PXK: variants seen among roughly 807,000 people sequenced by gnomAD.
The protein encoded by PXK is PX domain-containing protein kinase-like protein.
In PXK, 35 loss-of-function variants were observed where a neutral mutation model predicts 84.7. The observed-to-expected ratio is 0.41, with a 90% confidence interval of 0.32 to 0.55. The LOEUF (loss-of-function observed/expected upper bound fraction) is 0.55, where lower values mean the gene tolerates loss of function less well. PXK is among the 20% of genes least tolerant of loss of function. The pLI is 0.21. For missense variants in PXK, 634 were observed against 699.7 expected, an observed-to-expected ratio of 0.91 and a Z score of 1.06; for synonymous variants, 253 against 260.8, an observed-to-expected ratio of 0.97 and a Z score of 0.29.
chr3:58,347,744 A>G (rs1199399116), intron 1 of PXK, among the ~76,000 whole-genome samples: 1 of 152,212 alleles, frequency 6.6e-6, no homozygotes, highest in Non-Finnish European at 1.5e-5. Flanking sequence ...ATGCCTAGGA[A>G]TGGAATTGCT....
At chr3:58,381,555 C>CAAAA (rs34125797) in intron 3 of PXK, among the ~76,000 whole-genome samples, 6 of 120,892 alleles carry the variant, frequency 5.0e-5, no homozygotes, top group African/African-American at 6.3e-5. Context: ...AATAGAAAAC[C>CAAAA]AAAAAAAAAA....
At position 58,397,142 on chromosome 3, in the gene PXK, C is replaced by T. The variant is rs866381486; in HGVS notation, c.926C>T (p.Ser309Phe). ...TGCCGGCTGCTGGACCTTGAGAATTCCTTATTGGGCCTGCCTTCCTTCTAC... is the reference window on the plus strand; with the variant it reads ...TGCCGGCTGCTGGACCTTGAGAATTTCTTATTGGGCCTGCCTTCCTTCTAC... ...DTCRLLDLEN[S>F]LLGLPSFYRS... The change falls in exon 10 of 18, where the codon TCC (serine) becomes TTC (phenylalanine). Residue 309 changes from serine to phenylalanine, a missense_variant. This residue lies in a region of PXK where 353 missense variants were observed against 385.2 expected (regional missense o/e 0.92). Coordinates refer to ENST00000356151, the MANE Select transcript of PXK (RefSeq NM_017771.5). The surrounding 1 kb of genome is among the most constrained non-coding windows in gnomAD (Gnocchi z 4.7). 8.7e-6 allele frequency: 14 copies of T among 1,614,010 alleles called. No individual in the cohort carries two copies. The highest frequency in any genetic ancestry group is 1.2e-5 in the Non-Finnish European group (14 of 1,180,008).
chr3:58,382,806 A>G (rs1401144339), intron 4 of PXK, 106 bp downstream of exon 4: 2 of 830,124 alleles, frequency 2.4e-6, no homozygotes, highest in Non-Finnish European at 3.5e-6. Flanking sequence ...GGGGATGTGT[A>G]TACATTTGTT....
At chr3:58,355,026 C>T (rs537244353) in intron 1 of PXK, among the ~76,000 whole-genome samples, 36 of 151,158 alleles carry the variant, frequency 2.4e-4, no homozygotes, top group Non-Finnish European at 4.4e-4. Context: ...GGCTGAGGTA[C>T]GAGAATCGCT....
intron 4 of PXK, among the ~76,000 whole-genome samples, chr3:58,389,206 C>G (rs2098598041): frequency 6.6e-6 from 1 of 152,046 alleles, no homozygotes; most frequent in African/African-American, 2.4e-5. Context: ...CGGAGACTTT[C>G]CACAATAGAA....
intron 1 of PXK, among the ~76,000 whole-genome samples, chr3:58,351,401 G>T (rs946447849): frequency 8.0e-6 from 1 of 124,866 alleles, no homozygotes. Flanking sequence ...CTATTTGTGT[G>T]TGTGTGTGTG....
chr3:58,423,704 C>T (rs1310309943), intron 17 of PXK, among the ~76,000 whole-genome samples: 13 of 152,152 alleles, frequency 8.5e-5, no homozygotes, highest in Non-Finnish European at 1.9e-4. Context: ...CTGGGAGGGA[C>T]AGAGACAGCA....
At chr3:58,378,135 A>C (rs750439572) in intron 3 of PXK, among the ~76,000 whole-genome samples, 7 of 152,146 alleles carry the variant, frequency 4.6e-5, no homozygotes, top group Non-Finnish European at 1.0e-4. Flanking sequence ...ACATGTACGT[A>C]CTATACGTGA....
rs369552858 is a variant in PXK at position 58,353,005 on chromosome 3, T to C, written c.103-12869T>C. On this transcript the variant is annotated intron_variant, in intron 1 of 17. Transcript: ENST00000356151. ...AGCACATGATTCTATGAATTAGATTTTTTTTTTTTGAGACAGAGTCTTGCT... is the reference window on the plus strand; with the variant it reads ...AGCACATGATTCTATGAATTAGATTCTTTTTTTTTGAGACAGAGTCTTGCT... Among the ~76,000 whole-genome samples the C allele has an allele frequency of 2.7e-4, 41 of 151,864 alleles. No individual in the cohort carries two copies. The South Asian group carries it at 3.5e-3, about 13-fold the overall frequency.
In PXK at chr3:58,397,105, G is replaced by A. The variant is rs201251103; in HGVS notation, c.889G>A (p.Asp297Asn). 6.8e-6 allele frequency: 11 copies of A among 1,614,020 alleles called. No individual in the cohort carries two copies. Among genetic ancestry groups the A allele is most frequent in the East Asian group, 2.2e-5 (1 of 44,894 alleles). Reference sequence around the variant, plus strand: ...TCTTCACGCCTCCAATGTGATGCTCGATGGGGACACTTGCCGGCTGCTGGA... The same window carrying A: ...TCTTCACGCCTCCAATGTGATGCTCAATGGGGACACTTGCCGGCTGCTGGA... ...GHLHASNVML[D>N]GDTCRLLDLE... Residue 297 changes from aspartate to asparagine, a missense_variant, in exon 10 of 18, where the codon GAT becomes AAT. Transcript: ENST00000356151. The surrounding 1 kb of genome is among the most constrained non-coding windows in gnomAD (Gnocchi z 4.7).
At chr3:58,361,286 ACT>A (rs2098181021) in intron 1 of PXK, among the ~76,000 whole-genome samples, 1 of 130,422 alleles carries the variant, frequency 7.7e-6, no homozygotes, top group South Asian at 2.7e-4. Context: ...ACAGAGCAAG[ACT>A]CTGTCTCAAA....
intron 1 of PXK, among the ~76,000 whole-genome samples, chr3:58,363,675 G>C (rs1259640837): frequency 6.6e-6 from 1 of 152,258 alleles, no homozygotes; most frequent in Non-Finnish European, 1.5e-5. Context: ...TTTCTACATA[G>C]ACTATCATGT....
intron 3 of PXK, among the ~76,000 whole-genome samples, chr3:58,371,783 A>G (rs963509895): frequency 6.6e-6 from 1 of 152,338 alleles, no homozygotes; most frequent in East Asian, 1.9e-4. Flanking sequence ...AAATATCCCC[A>G]TGTATTGATG....
chr3:58,410,844 C>T (rs1345958840), intron 16 of PXK, among the ~76,000 whole-genome samples: 2 of 152,314 alleles, frequency 1.3e-5, no homozygotes, highest in African/African-American at 4.8e-5. Context: ...TGACTTAGCC[C>T]TGAAGGGCCA....
rs569923309 is a variant in PXK, at chr3:58,399,161, T to C, written c.1103-138T>C. 48 of 720,948 alleles carry C rather than the reference T, an allele frequency of 6.7e-5. No homozygotes were observed. The African/African-American group carries it at 7.7e-4, about 11-fold the overall frequency. 44.7% of individuals were successfully genotyped at this position (720,948 alleles called of 1,614,324 possible). ...ATTCCCCCACCCCACGTATGCCATC[T>C]GTCTGTGTGTGAAGATTTTTGACAC... On this transcript the variant is annotated intron_variant, in intron 11 of 17. Coordinates refer to ENST00000356151, the MANE Select transcript of PXK (RefSeq NM_017771.5). The surrounding 1 kb of genome is among the most constrained non-coding windows in gnomAD (Gnocchi z 4.3).
intron 1 of PXK, among the ~76,000 whole-genome samples, chr3:58,338,690 CTTT>C (rs869295407): frequency 2.8e-5 from 4 of 140,450 alleles, no homozygotes; most frequent in Admixed American, 7.2e-5. Context: ...CTTCCTTTTT[CTTT>C]TTTTTTTTTT....
intron 1 of PXK, among the ~76,000 whole-genome samples, chr3:58,337,544 C>T (rs2097646101): frequency 6.6e-6 from 1 of 151,952 alleles, no homozygotes. Context: ...GACCACAGCT[C>T]ACGGCAACCT....
At chr3:58,395,587 G>A (rs1395847937) in intron 8 of PXK, 71 bp from the exon 9 acceptor site, 10 of 1,206,056 alleles carry the variant, frequency 8.3e-6, no homozygotes, top group African/African-American at 3.0e-5. Flanking sequence ...AATCCTGCCT[G>A]GTCAGGGAGT....
chr3:58,390,188 A>G lies in PXK; in HGVS notation c.389-394A>G, dbSNP rs532675351. On this transcript the variant is annotated intron_variant, in intron 4 of 17. Transcript: ENST00000356151. The surrounding 1 kb of genome is among the most constrained non-coding windows in gnomAD (Gnocchi z 4.2). ...GTGAGACCCTATCTCAAAAAACAAA[A>G]AACAAAACTAAACAAAAGAAGTTGC... Among the ~76,000 whole-genome samples the G allele has an allele frequency of 3.5e-4, 54 of 152,126 alleles. No individual in the cohort carries two copies. In the South Asian group the frequency reaches 0.011, roughly 31 times the overall value.
Sources: allele counts gnomAD v4.1 joint callset (sites outside exome capture counted in the v4.1 genomes callset), GRCh38; gene constraint gnomAD v4.1.1; regional missense constraint gnomAD v4.1.1; non-coding constraint Gnocchi (gnomAD v3.1); transcripts MANE v1.5; gene names NCBI Gene and HGNC (gene_info 2026-07-23, HGNC 2026-07-21).